The following CUL7 variants were observed in gnomAD, a reference collection of about 807,000 sequenced individuals.
CUL7 encodes cullin 7.
CUL7 carries 96 observed loss-of-function variants against 177.7 expected under a neutral mutation model. That is an observed-to-expected ratio of 0.54 (90% CI 0.46 to 0.64). The LOEUF is 0.64. Among genes scored for constraint, CUL7 ranks in the 30% least tolerant of loss-of-function variants. The pLI, the probability that CUL7 is intolerant of heterozygous loss-of-function variation, is 0.00. For synonymous variants in CUL7, 824 were observed against 890.2 expected, an observed-to-expected ratio of 0.93 and a Z score of 1.32; for missense variants, 1,893 against 2,187.9, an observed-to-expected ratio of 0.87 and a Z score of 2.69.
In CUL7 at chr6:43,050,548, A is replaced by G; in HGVS notation, c.1234-150T>C. 4 of 488,210 alleles carry G rather than the reference A, an allele frequency of 8.2e-6. No individual in the cohort carries two copies. The East Asian group carries it at 1.7e-4, about 21-fold the overall frequency. 30.2% of individuals were successfully genotyped at this position (488,210 alleles called of 1,614,324 possible). ...ATAACAAAACAGCAGCATATGGAGA[A>G]TACACACACACACACACACACACAC... On this transcript the variant is annotated intron_variant, in intron 4 of 25. Transcript: ENST00000265348. The surrounding 1 kb of genome is among the most constrained non-coding windows in gnomAD (Gnocchi z 4.1).
Position 43,045,148 on chromosome 6 carries a change from A to G in CUL7, c.3038+79T>C, listed in dbSNP as rs569775231. The G allele has an allele frequency of 5.7e-4, 884 of 1,537,536 alleles. No individual in the cohort carries two copies. Among genetic ancestry groups the G allele is most frequent in the Non-Finnish European group, 7.1e-4 (809 of 1,132,564 alleles). The stretch of plus-strand genomic sequence containing the variant: ...ATTAAACCTCCATCTCACAGCTTCT[A>G]TGGACCCCTGCCTGCCAGCTATTTG... On this transcript the variant is annotated intron_variant, in intron 15 of 25. Coordinates refer to ENST00000265348, the MANE Select transcript of CUL7 (RefSeq NM_014780.5). The surrounding 1 kb of genome is among the most constrained non-coding windows in gnomAD (Gnocchi z 4.8).
rs752585328 is a variant in CUL7, at chr6:43,050,990, T to C, written c.1211A>G (p.Asn404Ser). The C allele has an allele frequency of 6.2e-7, 1 of 1,614,146 alleles. No homozygotes were observed. Among genetic ancestry groups the C allele is most frequent in the South Asian group, 1.1e-5 (1 of 91,090 alleles). Residue 404 changes from asparagine (N) to serine (S), a missense_variant, in exon 4 of 26, where the codon AAC becomes AGC. This residue lies in a region of CUL7 where 653 missense variants were observed against 725.2 expected (regional missense o/e 0.90). Transcript: ENST00000265348. This position sits in a 1 kb window ranked among gnomAD's most constrained non-coding sequence, Gnocchi z 4.1. Reference sequence around the variant, plus strand: ...CACCTGCACAGGAGGCACACCGTTGTTGCTCTGCCGAAACTCGCCCTCATC... The same window carrying C: ...CACCTGCACAGGAGGCACACCGTTGCTGCTCTGCCGAAACTCGCCCTCATC... ...AGDEGEFRQSNNGVPPVQVFW... is the reference protein window; with the variant it reads ...AGDEGEFRQSSNGVPPVQVFW...
chr6:43,051,036 A>G lies in CUL7; in HGVS notation c.1165T>C (p.Tyr389His), dbSNP rs201953649. Residue 389 changes from tyrosine (Y) to histidine (H), a missense_variant, in exon 4 of 26, where the codon TAT becomes CAT. Physicochemically the swap from Tyr to His is moderately conservative, Grantham distance 83. Transcript: ENST00000265348. The surrounding 1 kb of genome is among the most constrained non-coding windows in gnomAD (Gnocchi z 5.0). ...PGMRVRMLDD[Y>H]EEISAGDEGE... Reference sequence around the variant, plus strand: ...TCATCCCCGGCACTGATCTCCTCATAATCATCCAGCATCCGCACTCGCATC... The same window carrying G: ...TCATCCCCGGCACTGATCTCCTCATGATCATCCAGCATCCGCACTCGCATC... The G allele has an allele frequency of 8.1e-6, 13 of 1,613,918 alleles. No homozygotes were observed. Among genetic ancestry groups the G allele is most frequent in the Non-Finnish European group, 1.0e-5 (12 of 1,179,936 alleles).
At chr6:43,048,296 T>C in intron 8 of CUL7, 36 bp downstream of exon 8, 1 of 1,595,478 alleles carries the variant, frequency 6.3e-7, no homozygotes, top group Non-Finnish European at 8.6e-7. Context: ...GGACCCCCTT[T>C]GCCCTCAGAG....
At position 43,053,700 on chromosome 6, in the gene CUL7, T is replaced by TTGGGCCCCACC. The variant is rs1417123706; in HGVS notation, c.-98_-88dup. ...ACGCGGCACAGACGCTGGCGGCGAC[T>TTGGGCCCCACC]TGGGCCCCACCTGGGCCCCGCGAGG... is the stretch of plus-strand genomic sequence containing the variant. On this transcript the variant is annotated 5_prime_UTR_variant, in exon 1 of 26. Transcript: ENST00000265348. The surrounding 1 kb of genome is among the most constrained non-coding windows in gnomAD (Gnocchi z 4.1). 61 of 1,418,020 alleles carry TTGGGCCCCACC rather than the reference T, an allele frequency of 4.3e-5. No individual in the cohort carries two copies. The highest frequency in any genetic ancestry group is 5.3e-5 in the Non-Finnish European group (58 of 1,091,642). 87.8% of individuals were successfully genotyped at this position (1,418,020 alleles called of 1,614,324 possible).
intron 19 of CUL7, among the ~76,000 whole-genome samples, chr6:43,041,483 C>T (rs1763407655): frequency 6.6e-6 from 1 of 152,056 alleles, no homozygotes; most frequent in East Asian, 1.9e-4. Context: ...TGGCACACGC[C>T]TATGGTCCCA....
Position 43,051,483 on chromosome 6 carries a change from C to A in CUL7, c.733-15G>T. 1.9e-6 allele frequency: 3 copies of A among 1,614,088 alleles called. No individual in the cohort carries two copies. The highest frequency in any genetic ancestry group is 1.7e-6 in the Non-Finnish European group (2 of 1,180,028). On this transcript the variant is annotated splice_polypyrimidine_tract_variant and intron_variant, in intron 3 of 25. Coordinates refer to ENST00000265348, the MANE Select transcript of CUL7 (RefSeq NM_014780.5). The surrounding 1 kb of genome is among the most constrained non-coding windows in gnomAD (Gnocchi z 5.0). ...CTTCCTGGGACCTGTGGGATACAACCTTTGGCCTATATCCACCTTGTCCCA... is the reference window on the plus strand; with the variant it reads ...CTTCCTGGGACCTGTGGGATACAACATTTGGCCTATATCCACCTTGTCCCA...
rs374833109 is a variant in CUL7 at position 43,046,283 on chromosome 6, G to A, written c.2613C>T (p.Ala871=). The A allele has an allele frequency of 1.5e-5, 25 of 1,614,092 alleles. No homozygotes were observed. Among genetic ancestry groups the A allele is most frequent in the Middle Eastern group, 1.6e-4 (1 of 6,076 alleles). The change falls in exon 12 of 26, where the codon GCC becomes GCT. Residue 871 remains alanine, a synonymous_variant. Transcript: ENST00000265348. ...TGTGCAGGGTGATGTAGTGGGAGCC[G>A]GCGCTGCCGTTGGACTCCCAATAGG... The part of the protein sequence containing the change: ...PKTYWESNGS[A]GSHYITLHMR...
chr6:43,047,345 C>A (rs959255668), intron 9 of CUL7, among the ~76,000 whole-genome samples: 6 of 152,138 alleles, frequency 3.9e-5, no homozygotes, highest in Admixed American at 2.6e-4. Flanking sequence ...CTCTAGGGTT[C>A]TAGGCTGCTG....
chr6:43,046,678 G>C lies in CUL7; in HGVS notation c.2398-77C>G, dbSNP rs746334728. 6.3e-6 allele frequency: 10 copies of C among 1,589,552 alleles called. No homozygotes were observed. The East Asian group carries it at 2.3e-4, about 36-fold the overall frequency. On this transcript the variant is annotated intron_variant, in intron 10 of 25. Coordinates refer to ENST00000265348, the MANE Select transcript of CUL7 (RefSeq NM_014780.5). ...GACACACACGGAAACACGGATGAAG[G>C]AGAGACCATGCAGCAGTGGGACTTC... is the stretch of plus-strand genomic sequence containing the variant.
At position 43,052,629 on chromosome 6, in the gene CUL7, C is replaced by T. The variant is rs1326719416; in HGVS notation, c.160G>A (p.Gly54Ser). 10 of 1,614,228 alleles carry T rather than the reference C, an allele frequency of 6.2e-6. No homozygotes were observed. The highest frequency in any genetic ancestry group is 8.5e-6 in the Non-Finnish European group (10 of 1,180,040). Reference sequence around the variant, plus strand: ...GCCTTGCAGTCCACTTGGCCAGAGCCCCCGTCCCCCTCATCGCCACGCCGC... The same window carrying T: ...GCCTTGCAGTCCACTTGGCCAGAGCTCCCGTCCCCCTCATCGCCACGCCGC... The part of the protein sequence containing the change: ...ILRRGDEGDG[G>S]SGQVDCKAEH... The change falls in exon 2 of 26, where the codon GGC (glycine) becomes AGC (serine). Residue 54 changes from glycine (G) to serine (S), a missense_variant. Physicochemically the swap from Gly to Ser is moderately conservative, Grantham distance 56. Around this residue, in one of 5 missense-constraint regions of CUL7, gnomAD observed 653 missense variants for 725.2 expected, o/e 0.90. Coordinates refer to ENST00000265348, the MANE Select transcript of CUL7 (RefSeq NM_014780.5). The surrounding 1 kb of genome is among the most constrained non-coding windows in gnomAD (Gnocchi z 4.5).
At position 43,052,358 on chromosome 6, in the gene CUL7, A is replaced by C. The variant is rs1237994254; in HGVS notation, c.431T>G (p.Leu144Arg). The C allele has an allele frequency of 6.2e-7, 1 of 1,614,268 alleles. No homozygotes were observed. Among genetic ancestry groups the C allele is most frequent in the Admixed American group, 1.7e-5 (1 of 60,030 alleles). The change falls in exon 2 of 26, where the codon CTC becomes CGC. Residue 144 changes from leucine to arginine, a missense_variant. Leu to Arg is a moderately radical substitution (Grantham distance 102). Coordinates refer to ENST00000265348, the MANE Select transcript of CUL7 (RefSeq NM_014780.5). The surrounding 1 kb of genome is among the most constrained non-coding windows in gnomAD (Gnocchi z 4.5). The part of the protein sequence containing the change: ...PAPLLHTVHV[L>R]SAYASIEPLT... ...GGGCTCAATGCTGGCATAGGCGCTG[A>C]GCACGTGGACAGTGTGAAGTAGAGG...
chr6:43,049,712 G>C (rs975337419), intron 6 of CUL7, 50 bp from the exon 7 acceptor site: 2 of 1,608,602 alleles, frequency 1.2e-6, no homozygotes, highest in Non-Finnish European at 1.7e-6. Context: ...CGACCCAGAG[G>C]CCCCAGGGAG....
intron 7 of CUL7, 95 bp downstream of exon 7, chr6:43,049,312 C>T: frequency 6.4e-7 from 1 of 1,555,320 alleles, no homozygotes; most frequent in Non-Finnish European, 8.8e-7. Context: ...GGTGGCATCA[C>T]TTCCAGAAAG....
chr6:43,041,138 A>G lies in CUL7; in HGVS notation c.3646-63T>C, dbSNP rs11961678. On this transcript the variant is annotated intron_variant, in intron 19 of 25. Transcript: ENST00000265348. ...CGAGCAGAGCAGGTGAGTGGGGAGGAGGGATGAGGGTCTGGAAAGTAGATA... is the reference window on the plus strand; with the variant it reads ...CGAGCAGAGCAGGTGAGTGGGGAGGGGGGATGAGGGTCTGGAAAGTAGATA... 0.067 allele frequency: 103,407 copies of G among 1,550,338 alleles called. 5,773 individuals are homozygous for G. The highest frequency in any genetic ancestry group is 0.23 in the African/African-American group (17,173 of 73,664).
chr6:43,046,049 C>A lies in CUL7; in HGVS notation c.2703G>T (p.Met901Ile), dbSNP rs966630691. 1 of 1,614,040 alleles carries A rather than the reference C, an allele frequency of 6.2e-7. No homozygotes were observed. The change falls in exon 13 of 26, where the codon ATG (methionine) becomes ATT (isoleucine). Residue 901 changes from methionine (M) to isoleucine (I), a missense_variant. By Grantham distance (10) the Met-to-Ile change is conservative. Coordinates refer to ENST00000265348, the MANE Select transcript of CUL7 (RefSeq NM_014780.5). ...CCCCGCACACCACCACTCGGGCCGG[C>A]ATGTAACTCGAGTCCTCACTAGCCA... Reference protein sequence around the residue: ...LLVASEDSSYMPARVVVCGGD... With the variant: ...LLVASEDSSYIPARVVVCGGD...
chr6:43,048,267 A>G lies in CUL7; in HGVS notation c.2064-14T>C, dbSNP rs1227030249. The G allele has an allele frequency of 6.2e-7, 1 of 1,607,364 alleles. No homozygotes were observed. Among genetic ancestry groups the G allele is most frequent in the Non-Finnish European group, 8.5e-7 (1 of 1,173,858 alleles). ...TGCTTCAGGATTCTGGGGGCAGAGA[A>G]ATGTGTAGCCAGCCTCATGGACCCC... On this transcript the variant is annotated splice_polypyrimidine_tract_variant and intron_variant, in intron 8 of 25. Coordinates refer to ENST00000265348, the MANE Select transcript of CUL7 (RefSeq NM_014780.5).
rs1764591531 is a variant in CUL7, at chr6:43,053,255, C to CGA, written c.-9+365_-9+366dup. 6.6e-6 allele frequency among the ~76,000 whole-genome samples: 1 copy of CGA among 152,154 alleles called. No homozygotes were observed. Among genetic ancestry groups the CGA allele is most frequent in the South Asian group, 2.1e-4 (1 of 4,810 alleles). On this transcript the variant is annotated intron_variant, in intron 1 of 25. Coordinates refer to ENST00000265348, the MANE Select transcript of CUL7 (RefSeq NM_014780.5). This position sits in a 1 kb window ranked among gnomAD's most constrained non-coding sequence, Gnocchi z 4.1. ...AGTGCGAGACCCAAGTTAAGAGTCC[C>CGA]GAGATCGCAGAGTTAAGAGACCTGA... is the stretch of plus-strand genomic sequence containing the variant.
At position 43,038,552 on chromosome 6, in the gene CUL7, C is replaced by T; in HGVS notation, c.4567+14G>A. ...TGCCTCAGAGCAGAGGCCCCTCTGGCCCTAAGTGCATACCTCCTGGTATAT... is the reference window on the plus strand; with the variant it reads ...TGCCTCAGAGCAGAGGCCCCTCTGGTCCTAAGTGCATACCTCCTGGTATAT... On this transcript the variant is annotated intron_variant, in intron 24 of 25. Coordinates refer to ENST00000265348, the MANE Select transcript of CUL7 (RefSeq NM_014780.5). 6.2e-7 allele frequency: 1 copy of T among 1,613,978 alleles called. No individual in the cohort carries two copies. The highest frequency in any genetic ancestry group is 1.3e-5 in the African/African-American group (1 of 75,018).
Sources: allele counts gnomAD v4.1 joint callset (sites outside exome capture counted in the v4.1 genomes callset), GRCh38; gene constraint gnomAD v4.1.1; regional missense constraint gnomAD v4.1.1; non-coding constraint Gnocchi (gnomAD v3.1); transcripts MANE v1.5; gene names NCBI Gene and HGNC (gene_info 2026-07-23, HGNC 2026-07-21).